Variants in RNF111 observed in about 807,000 individuals in gnomAD.
RNF111 encodes the protein E3 ubiquitin-protein ligase Arkadia.
In RNF111, 17 loss-of-function variants were observed where a neutral mutation model predicts 95.1. The observed-to-expected ratio is 0.18, with a 90% CI of 0.12 to 0.27. The LOEUF is 0.27. Ranked by LOEUF, RNF111 falls within the 10% of genes least tolerant of loss-of-function variation. The probability of loss-of-function intolerance (pLI) is 1.00; values close to 1 mark genes in which losing one functional copy is unlikely to be tolerated. For missense variants in RNF111, 1,189 were observed against 1,210.4 expected, an observed-to-expected ratio of 0.98 and a Z score of 0.26; for synonymous variants, 440 against 414.8, an observed-to-expected ratio of 1.06 and a Z score of -0.74.
intron 1 of RNF111, 50 bp from the exon 2 acceptor site, chr15:59,030,754 T>A (rs2141758080): frequency 1.6e-6 from 2 of 1,286,996 alleles, no homozygotes; most frequent in Middle Eastern, 2.8e-4. Context: ...AATTAAATAG[T>A]ATAATAAAAC....
chr15:59,096,236 T>G lies in RNF111; in HGVS notation c.*1336T>G. 7.6e-6 allele frequency: 3 copies of G among 394,744 alleles called. No homozygotes were observed. The highest frequency in any genetic ancestry group is 1.3e-5 in the Non-Finnish European group (3 of 223,774). The allele number at this position is 394,744 out of a possible 1,614,324, so 24.5% of individuals were successfully genotyped here. A position where few individuals can be genotyped will look rare whatever the true frequency, so the allele number is the denominator to read the frequency against. ...ATATTATTATCAAGATACTTTCATA[T>G]ACAGGATAGCCTAATTTTATTTGTT... On this transcript the variant is annotated 3_prime_UTR_variant, in exon 14 of 14. Transcript: ENST00000348370.
intron 1 of RNF111, among the ~76,000 whole-genome samples, chr15:59,018,974 A>T (rs1458220528): frequency 6.6e-6 from 1 of 151,790 alleles, no homozygotes; most frequent in South Asian, 2.1e-4. Flanking sequence ...CCCAGGTTGG[A>T]GTGCAGTGGT....
intron 1 of RNF111, among the ~76,000 whole-genome samples, chr15:59,008,218 T>G (rs1014963488): frequency 3.3e-5 from 5 of 152,184 alleles, no homozygotes; most frequent in African/African-American, 1.2e-4. Flanking sequence ...ACGACCATTT[T>G]TGTTTGTTTG....
At chr15:59,000,736 C>T (rs1825465765) in intron 1 of RNF111, among the ~76,000 whole-genome samples, 1 of 151,868 alleles carries the variant, frequency 6.6e-6, no homozygotes. Flanking sequence ...ATAACTGCTG[C>T]TGCAGAGAAT....
chr15:59,094,740 T>C (rs764950214), intron 13 of RNF111, 43 bp from the exon 14 acceptor site: 6 of 1,073,646 alleles, frequency 5.6e-6, no homozygotes, highest in East Asian at 2.4e-5. Flanking sequence ...CGTACAATTA[T>C]CATAAAATTA....
chr15:58,988,642 C>T (rs2038675565), intron 1 of RNF111, among the ~76,000 whole-genome samples: 1 of 152,220 alleles, frequency 6.6e-6, no homozygotes, highest in African/African-American at 2.4e-5. Context: ...CTGTTCAGTG[C>T]AGCAGAAATA....
chr15:59,051,814 T>C (rs1323056468), intron 2 of RNF111, among the ~76,000 whole-genome samples: 5 of 151,522 alleles, frequency 3.3e-5, no homozygotes, highest in Admixed American at 1.3e-4. Context: ...AATGAATAAA[T>C]AAACAAATGA....
rs183460534 is a variant in RNF111 at position 59,085,340 on chromosome 15, A to G, written c.2424-319A>G. On this transcript the variant is annotated intron_variant, in intron 9 of 13. Transcript: ENST00000348370. ...CAGATACACCAAAAAAGTAAATTCT[A>G]TGTTGTATGCTCCTCAAGTAGAATC... is the stretch of plus-strand genomic sequence containing the variant. Among the ~76,000 whole-genome samples the G allele has an allele frequency of 6.2e-3, 947 of 152,288 alleles. 9 individuals are homozygous for G. Among genetic ancestry groups the G allele is most frequent in the African/African-American group, 0.019 (806 of 41,554 alleles).
intron 1 of RNF111, among the ~76,000 whole-genome samples, chr15:59,017,194 C>T (rs769985525): frequency 2.1e-4 from 30 of 141,856 alleles, no homozygotes; most frequent in Middle Eastern, 3.6e-3. Context: ...CGAATCCGTT[C>T]CCTGGTGCCA....
chr15:59,060,803 TA>T (rs1418015204), intron 5 of RNF111, among the ~76,000 whole-genome samples: 1 of 148,686 alleles, frequency 6.7e-6, no homozygotes. Context: ...TTATTATTAT[TA>T]TTATTTTTTT....
intron 1 of RNF111, among the ~76,000 whole-genome samples, chr15:58,998,482 C>G (rs971725157): frequency 1.2e-4 from 18 of 152,160 alleles, no homozygotes; most frequent in Non-Finnish European, 2.4e-4. Context: ...GTTACAGGGT[C>G]TTCCATTGCA....
chr15:59,028,987 C>T (rs911144904), intron 1 of RNF111, among the ~76,000 whole-genome samples: 1 of 152,044 alleles, frequency 6.6e-6, no homozygotes, highest in Non-Finnish European at 1.5e-5. Context: ...ACCATGTTGG[C>T]CAGGCTGATC....
intron 2 of RNF111, among the ~76,000 whole-genome samples, chr15:59,045,285 G>T (rs187112352): frequency 5.3e-5 from 8 of 151,602 alleles, no homozygotes; most frequent in African/African-American, 1.9e-4. Context: ...CTGCCTCCCA[G>T]GTTCAAGTGA....
intron 8 of RNF111, among the ~76,000 whole-genome samples, chr15:59,083,050 G>C (rs1200739532): frequency 6.6e-6 from 1 of 152,016 alleles, no homozygotes; most frequent in East Asian, 1.9e-4. Context: ...TCAGGTGGCT[G>C]AGGTGGGAGG....
chr15:59,049,092 CA>C (rs1242181820), intron 2 of RNF111, among the ~76,000 whole-genome samples: 1 of 151,998 alleles, frequency 6.6e-6, no homozygotes, highest in Non-Finnish European at 1.5e-5. Flanking sequence ...CACACACACA[CA>C]AAAAAGTATA....
chr15:59,044,888 T>G (rs1356835238), intron 2 of RNF111, among the ~76,000 whole-genome samples: 1 of 152,212 alleles, frequency 6.6e-6, no homozygotes, highest in African/African-American at 2.4e-5. Context: ...AAATGTTGCC[T>G]GTTGTGAATA....
intron 1 of RNF111, among the ~76,000 whole-genome samples, chr15:59,023,063 G>A (rs757818876): frequency 7.2e-5 from 11 of 152,042 alleles, no homozygotes; most frequent in Non-Finnish European, 1.5e-4. Context: ...CCTGGCCAAC[G>A]TGGTGAAACC....
Position 59,067,079 on chromosome 15 carries a change from A to G in RNF111, c.1682A>G (p.Glu561Gly). ...ANSSSGTSYH[E>G]QQALPVDLSN... ...AGTAGTTCTGGTACCAGCTATCATG[A>G]ACAGGTATGTGGAATTTGAGTCAGT... The change falls in exon 6 of 14, where the codon GAA becomes GGA. Residue 561 changes from glutamate (E) to glycine (G), a missense_variant. Transcript: ENST00000348370. The G allele has an allele frequency of 6.2e-7, 1 of 1,613,314 alleles. No individual in the cohort carries two copies.
chr15:59,056,617 A>G (rs181809598), intron 4 of RNF111, among the ~76,000 whole-genome samples: 1 of 152,174 alleles, frequency 6.6e-6, no homozygotes, highest in Non-Finnish European at 1.5e-5. Context: ...GTTAGAGGCC[A>G]TATACAATCA....
Sources: allele counts gnomAD v4.1 joint callset (sites outside exome capture counted in the v4.1 genomes callset), GRCh38; gene constraint gnomAD v4.1.1; transcripts MANE v1.5; gene names NCBI Gene and HGNC (gene_info 2026-07-23, HGNC 2026-07-21).